Variants in BICC1 observed in about 807,000 individuals in gnomAD.
BICC1 encodes the protein protein bicaudal C homolog 1.
A neutral mutation model predicts 111.0 loss-of-function variants in BICC1; 43 were observed. The observed-to-expected ratio is 0.39, with a 90% CI of 0.30 to 0.50. The LOEUF (loss-of-function observed/expected upper bound fraction) is 0.50. Ranked by LOEUF, BICC1 falls within the 20% of genes least tolerant of loss-of-function variation. The pLI, the probability that BICC1 is intolerant of heterozygous loss-of-function variation, is 0.88. For synonymous variants in BICC1, 467 were observed against 434.4 expected (o/e 1.07, Z -0.93); for missense variants, 1,091 against 1,203.2 (o/e 0.91, Z 1.38).
chr10:58,773,255 G>A (rs913620094), intron 3 of BICC1, among the ~76,000 whole-genome samples: 2 of 152,162 alleles, frequency 1.3e-5, no homozygotes, highest in African/African-American at 2.4e-5. Flanking sequence ...AAAAGTTAGT[G>A]CTTCTGTGGA....
chr10:58,584,715 T>A (rs1268381100), intron 1 of BICC1, among the ~76,000 whole-genome samples: 1 of 152,104 alleles, frequency 6.6e-6, no homozygotes, highest in Non-Finnish European at 1.5e-5. Context: ...TCCAAAGACA[T>A]GGGACTTTTA....
chr10:58,725,164 A>T (rs1272731011), intron 3 of BICC1, among the ~76,000 whole-genome samples: 1 of 152,202 alleles, frequency 6.6e-6, no homozygotes, highest in Admixed American at 6.5e-5. Flanking sequence ...CTGGCATAAT[A>T]ACATGCACAG....
In BICC1 at chr10:58,710,746, T is replaced by G. The variant is rs117420323; in HGVS notation, c.307+8603T>G. On this transcript the variant is annotated intron_variant, in intron 3 of 20. Coordinates refer to ENST00000373886, the MANE Select transcript of BICC1 (RefSeq NM_001080512.3). ...TCTTTTACATGTATATGTGTGTGTGTGGTTTTTTTCTGTATGTGTGGTTGA... is the reference window on the plus strand; with the variant it reads ...TCTTTTACATGTATATGTGTGTGTGGGGTTTTTTTCTGTATGTGTGGTTGA... Among the ~76,000 whole-genome samples the G allele has an allele frequency of 2.2e-3, 339 of 152,328 alleles. 7 individuals are homozygous for G. The East Asian group carries it at 0.058, about 26-fold the overall frequency.
At chr10:58,769,358 G>A (rs1842549655) in intron 3 of BICC1, among the ~76,000 whole-genome samples, 3 of 140,350 alleles carry the variant, frequency 2.1e-5, no homozygotes, top group Non-Finnish European at 4.6e-5. Context: ...GTTGATTGTG[G>A]TAATAGTTTT....
At chr10:58,593,892 G>A (rs1256099708) in intron 1 of BICC1, among the ~76,000 whole-genome samples, 1 of 151,982 alleles carries the variant, frequency 6.6e-6, no homozygotes, top group African/African-American at 2.4e-5. Context: ...ATTGACAGAC[G>A]TAGGCTTCAG....
At chr10:58,788,445 A>G (rs1300182896) in intron 6 of BICC1, 22 bp downstream of exon 6, 2 of 1,544,460 alleles carry the variant, frequency 1.3e-6, no homozygotes, top group Admixed American at 1.7e-5. Flanking sequence ...TTACTTTAAC[A>G]TTGTAAATTG....
intron 1 of BICC1, among the ~76,000 whole-genome samples, chr10:58,519,421 G>A (rs1025308731): frequency 2.6e-5 from 4 of 152,128 alleles, no homozygotes; most frequent in Non-Finnish European, 4.4e-5. Flanking sequence ...GGTCAGAATG[G>A]ATGCTGAATG....
intron 3 of BICC1, chr10:58,716,284 C>G: frequency 6.7e-7 from 1 of 1,488,702 alleles, no homozygotes; most frequent in Non-Finnish European, 9.0e-7. Flanking sequence ...CCTGACTCAC[C>G]ATAACATTAA....
At chr10:58,785,284 A>G (rs1298711893) in intron 4 of BICC1, among the ~76,000 whole-genome samples, 3 of 152,078 alleles carry the variant, frequency 2.0e-5, no homozygotes, top group Non-Finnish European at 4.4e-5. Context: ...ATTGAACTAT[A>G]CATACACACA....
chr10:58,802,626 C>G (rs950306097), intron 14 of BICC1, among the ~76,000 whole-genome samples: 8 of 152,214 alleles, frequency 5.3e-5, no homozygotes, highest in African/African-American at 2.4e-5. Flanking sequence ...CGAATTGGAT[C>G]ATCTACATCC....
Position 58,563,965 on chromosome 10 carries a change from CTTTT to C in BICC1, c.190+50633_190+50636del, listed in dbSNP as rs1169183443. 7.9e-5 allele frequency among the ~76,000 whole-genome samples: 12 copies of C among 152,174 alleles called. No homozygotes were observed. In the East Asian group the frequency reaches 1.2e-3, roughly 15 times the overall value. On this transcript the variant is annotated intron_variant, in intron 1 of 20. Transcript: ENST00000373886. Reference sequence around the variant, plus strand: ...CACATTTTATTTTGTACGGCTCTTTCTTTTGTCTTTCAAGTAGAAAAATAAAAGT... The same window carrying C: ...CACATTTTATTTTGTACGGCTCTTTCGTCTTTCAAGTAGAAAAATAAAAGT...
At chr10:58,726,201 T>G (rs2132539602) in intron 3 of BICC1, among the ~76,000 whole-genome samples, 1 of 152,336 alleles carries the variant, frequency 6.6e-6, no homozygotes, top group African/African-American at 2.4e-5. Context: ...AGCATGTGCA[T>G]TTTCATTCAG....
chr10:58,784,824 A>T (rs936537327), intron 3 of BICC1, among the ~76,000 whole-genome samples, 177 bp from the exon 4 acceptor site: 2 of 152,332 alleles, frequency 1.3e-5, no homozygotes, highest in Middle Eastern at 3.4e-3. Context: ...GGCATTTTCC[A>T]TATTCCTGTT....
In BICC1 at chr10:58,596,829, A is replaced by G. The variant is rs187132902; in HGVS notation, c.191-24026A>G. Among the ~76,000 whole-genome samples, 25 of 152,338 alleles carry G rather than the reference A, an allele frequency of 1.6e-4. No homozygotes were observed. The East Asian group carries it at 4.8e-3, about 29-fold the overall frequency. ...TTGCTACTAAGAGAGTAAAATACCT[A>G]GGAATACAACTTACAGAGAATGTGA... On this transcript the variant is annotated intron_variant, in intron 1 of 20. Transcript: ENST00000373886.
intron 1 of BICC1, among the ~76,000 whole-genome samples, chr10:58,603,215 T>A (rs1225296985): frequency 6.6e-6 from 1 of 152,192 alleles, no homozygotes; most frequent in East Asian, 1.9e-4. Context: ...AATTGTTTCC[T>A]CACATTTCTC....
chr10:58,659,064 C>A, intron 2 of BICC1, among the ~76,000 whole-genome samples: 1 of 152,168 alleles, frequency 6.6e-6, no homozygotes, highest in Admixed American at 6.5e-5. Flanking sequence ...TAAAAGAGTT[C>A]ATTCTGGGCT....
intron 2 of BICC1, among the ~76,000 whole-genome samples, chr10:58,688,113 A>G (rs1020593999): frequency 6.6e-6 from 1 of 152,104 alleles, no homozygotes; most frequent in Admixed American, 6.6e-5. Flanking sequence ...CAGCTCTTAA[A>G]GTTAGCGTGG....
chr10:58,561,552 T>C (rs1564488631), intron 1 of BICC1, among the ~76,000 whole-genome samples: 1 of 152,084 alleles, frequency 6.6e-6, no homozygotes, highest in Non-Finnish European at 1.5e-5. Flanking sequence ...ACCATTTATA[T>C]TCAGGATTAC....
chr10:58,531,512 A>C (rs1842681479), intron 1 of BICC1, among the ~76,000 whole-genome samples: 1 of 151,856 alleles, frequency 6.6e-6, no homozygotes, highest in South Asian at 2.1e-4. Context: ...AAATTACAAC[A>C]AAATATAAGG....
Sources: allele counts gnomAD v4.1 joint callset (sites outside exome capture counted in the v4.1 genomes callset), GRCh38; gene constraint gnomAD v4.1.1; transcripts MANE v1.5; gene names NCBI Gene and HGNC (gene_info 2026-07-23, HGNC 2026-07-21).